Variants in TRIM36 observed in about 807,000 individuals in gnomAD.
TRIM36 encodes the protein E3 ubiquitin-protein ligase TRIM36.
TRIM36 carries 42 observed loss-of-function variants against 72.4 expected under a neutral mutation model. That is an observed-to-expected ratio of 0.58 (90% CI 0.45 to 0.75). TRIM36 has a LOEUF of 0.75. Among genes scored for constraint, TRIM36 ranks in the 30% least tolerant of loss-of-function variants. The pLI is 0.00. For missense variants in TRIM36, 913 were observed against 857.1 expected (o/e 1.07, Z -0.81); for synonymous variants, 315 against 282.8 (o/e 1.11, Z -1.14).
intron 9 of TRIM36, among the ~76,000 whole-genome samples, chr5:115,129,837 A>G (rs1405110988): frequency 1.3e-5 from 2 of 152,176 alleles, no homozygotes; most frequent in African/African-American, 4.8e-5. Flanking sequence ...TGCTTTTTAT[A>G]TATTTTGGAT....
chr5:115,130,684 C>T lies in TRIM36; in HGVS notation c.1704G>A (p.Val568=). 6.2e-7 allele frequency: 1 copy of T among 1,614,144 alleles called. No homozygotes were observed. The change falls in exon 9 of 10, where the codon GTG becomes GTA. Residue 568 remains valine (V), a synonymous_variant. Coordinates refer to ENST00000513154, the MANE Select transcript of TRIM36 (RefSeq NM_001300759.2). ...TKGKHFWAFR[V]EPYSYLVKVG... is the part of the protein sequence containing the mutation. ...CTTTTACCAGGTATGAATATGGTTC[C>T]ACACGGAAGGCCCAGAAGTGTTTTC... is the stretch of plus-strand genomic sequence containing the variant.
rs1754603396 is a variant in TRIM36, at chr5:115,163,582, T to A, written c.198A>T (p.Gln66His). 6 of 1,614,174 alleles carry A rather than the reference T, an allele frequency of 3.7e-6. No individual in the cohort carries two copies. Among genetic ancestry groups the A allele is most frequent in the Non-Finnish European group, 5.1e-6 (6 of 1,180,040 alleles). The change falls in exon 2 of 10, where the codon CAA (glutamine) becomes CAT (histidine). Residue 66 changes from glutamine to histidine, a missense_variant. Gln to His is a conservative substitution (Grantham distance 24). Transcript: ENST00000513154. ...AGGGGAGCCGAAGTCGAGGACTGCT[T>A]TGATTGGAGTTGTCTGATCCCACAT... ...FNDVGSDNSNQSSPRLRLPSP... is the reference protein window; with the variant it reads ...FNDVGSDNSNHSSPRLRLPSP...
chr5:115,128,824 G>C (rs923716011), intron 9 of TRIM36, among the ~76,000 whole-genome samples: 1 of 104,506 alleles, frequency 9.6e-6, no homozygotes, highest in Non-Finnish European at 2.1e-5. Flanking sequence ...ATTTCTTAAA[G>C]AAGAATACAT....
At chr5:115,138,200 G>A (rs7708481) in intron 5 of TRIM36, among the ~76,000 whole-genome samples, 71,833 of 151,922 alleles carry the variant, frequency 0.47, 17,832 homozygotes, top group East Asian at 0.68. Flanking sequence ...TCTGGGTTCA[G>A]GTGATTCTCC....
chr5:115,142,846 A>G (rs925467429), intron 4 of TRIM36, among the ~76,000 whole-genome samples: 1 of 152,212 alleles, frequency 6.6e-6, no homozygotes, highest in South Asian at 2.1e-4. Context: ...GGAACTAATC[A>G]GAGGTTAATT....
chr5:115,137,472 C>G lies in TRIM36; in HGVS notation c.976G>C (p.Glu326Gln). The G allele has an allele frequency of 6.2e-7, 1 of 1,614,182 alleles. No homozygotes were observed. The highest frequency in any genetic ancestry group is 8.5e-7 in the Non-Finnish European group (1 of 1,180,018). Residue 326 changes from glutamate to glutamine, a missense_variant, in exon 6 of 10, where the codon GAG (glutamate) becomes CAG (glutamine). Physicochemically the swap from Glu to Gln is conservative, Grantham distance 29. Transcript: ENST00000513154. Reference sequence around the variant, plus strand: ...TTGTTCTCTAGAAGTCCCTGGTACTCTTCCATTTGAGTCTGAAATTTGTCT... The same window carrying G: ...TTGTTCTCTAGAAGTCCCTGGTACTGTTCCATTTGAGTCTGAAATTTGTCT... ...RLDKFQTQME[E>Q]YQGLLENNGL...
upstream of TRIM36, chr5:115,169,991 C>T (rs1755021075): frequency 2.2e-5 from 25 of 1,111,230 alleles, no homozygotes; most frequent in Non-Finnish European, 2.6e-5. Flanking sequence ...GCCCAGGCAA[C>T]AGCGCCAGTC....
In TRIM36 at chr5:115,134,406, A is replaced by G. The variant is rs545558616; in HGVS notation, c.1211-259T>C. ...AAAACTGACTCAAAGCCACAAGTAA[A>G]TTTTTTTTAACCACATGCCTTCTAC... On this transcript the variant is annotated intron_variant, in intron 7 of 9. Coordinates refer to ENST00000513154, the MANE Select transcript of TRIM36 (RefSeq NM_001300759.2). 7.3e-4 allele frequency among the ~76,000 whole-genome samples: 111 copies of G among 151,984 alleles called. 6 individuals are homozygous for G. In the South Asian group the frequency reaches 0.02, roughly 27 times the overall value.
At chr5:115,151,224 T>C (rs945436990) in intron 2 of TRIM36, among the ~76,000 whole-genome samples, 1 of 152,140 alleles carries the variant, frequency 6.6e-6, no homozygotes, top group Non-Finnish European at 1.5e-5. Flanking sequence ...CTTTGGACTG[T>C]GTGGGAGCTG....
At chr5:115,175,703 T>C (rs927678251) in intron 1 of TRIM36, among the ~76,000 whole-genome samples, 3 of 151,606 alleles carry the variant, frequency 2.0e-5, no homozygotes, top group African/African-American at 7.3e-5. Flanking sequence ...AAGAGGAAAA[T>C]TATATTTATG....
chr5:115,176,336 G>T (rs192250568), intron 1 of TRIM36, among the ~76,000 whole-genome samples: 1 of 152,116 alleles, frequency 6.6e-6, no homozygotes, highest in African/African-American at 2.4e-5. Flanking sequence ...TTCTTTCAGA[G>T]TGTAAGTGTC....
chr5:115,159,451 T>G (rs1482999864), intron 2 of TRIM36, among the ~76,000 whole-genome samples: 1 of 152,234 alleles, frequency 6.6e-6, no homozygotes, highest in Non-Finnish European at 1.5e-5. Flanking sequence ...AGTGTTTTCT[T>G]TTAAAAACAT....
intron 1 of TRIM36, 77 bp downstream of exon 1, chr5:115,169,531 C>G (rs1754976792): frequency 6.9e-7 from 1 of 1,447,910 alleles, no homozygotes; most frequent in Non-Finnish European, 9.2e-7. Context: ...CCTCCGGGCT[C>G]CCGGCGGAGG....
chr5:115,140,409 T>C (rs1299464516), intron 5 of TRIM36, among the ~76,000 whole-genome samples: 1 of 152,236 alleles, frequency 6.6e-6, no homozygotes, highest in African/African-American at 2.4e-5. Context: ...TTATCTTTTC[T>C]AATTTTTTAT....
At chr5:115,143,348 C>T (rs182064343) in intron 4 of TRIM36, among the ~76,000 whole-genome samples, 225 of 151,510 alleles carry the variant, frequency 1.5e-3, no homozygotes, top group Middle Eastern at 3.4e-3. Context: ...CTGTTCTGTC[C>T]TGCCTCACAA....
chr5:115,178,638 T>A (rs1327474834), intron 1 of TRIM36, among the ~76,000 whole-genome samples: 1 of 152,156 alleles, frequency 6.6e-6, no homozygotes, highest in Non-Finnish European at 1.5e-5. Flanking sequence ...GAAGGCCCCT[T>A]GAGGTGCAGG....
intron 1 of TRIM36, among the ~76,000 whole-genome samples, chr5:115,166,834 T>G (rs1754805427): frequency 6.6e-6 from 1 of 152,124 alleles, no homozygotes; most frequent in Non-Finnish European, 1.5e-5. Flanking sequence ...TGTTCCACAG[T>G]GCTTGTAGTG....
At chr5:115,143,222 CAAAAAAAAAAAAAAA>C (rs59083853) in intron 4 of TRIM36, among the ~76,000 whole-genome samples, 1 of 57,488 alleles carries the variant, frequency 1.7e-5, no homozygotes, top group Admixed American at 2.8e-4. Context: ...ACCAGCCAGA[CAAAAAAAAAAAAAAA>C]AAAAAAAAAA....
At chr5:115,132,403 T>C (rs1298782455) in intron 8 of TRIM36, among the ~76,000 whole-genome samples, 1 of 151,696 alleles carries the variant, frequency 6.6e-6, no homozygotes, top group African/African-American at 2.4e-5. Flanking sequence ...CATGCTGGTC[T>C]GCATCTGTAA....
Sources: gnomAD v4.1 joint callset for allele counts (sites outside exome capture counted in the v4.1 genomes callset) on GRCh38, gnomAD v4.1.1 for gene constraint, MANE v1.5 for transcripts, NCBI Gene and HGNC (gene_info 2026-07-23, HGNC 2026-07-21) for gene names.